Variants in TG observed in about 807,000 individuals in gnomAD.
TG encodes the protein thyroid hormones.
In TG, 270 loss-of-function variants were observed where a neutral mutation model predicts 324.7. That is an observed-to-expected ratio of 0.83 (90% CI 0.75 to 0.92). The LOEUF (loss-of-function observed/expected upper bound fraction) is 0.92. Ranked by LOEUF, TG falls within the 40% of genes least tolerant of loss-of-function variation. The pLI is 0.00. For missense variants in TG, 3,591 were observed against 3,456.4 expected (o/e 1.04, Z -0.98); for synonymous variants, 1,401 against 1,327.0 (o/e 1.06, Z -1.21).
At chr8:132,979,101 C>G (rs568772803) in intron 34 of TG, among the ~76,000 whole-genome samples, 79 of 152,232 alleles carry the variant, frequency 5.2e-4, no homozygotes, top group South Asian at 2.1e-3. Context: ...AGGAACTGTT[C>G]TAAGCCTCCA....
chr8:132,999,868 C>T (rs1045564041), intron 35 of TG, among the ~76,000 whole-genome samples: 1 of 152,136 alleles, frequency 6.6e-6, no homozygotes, highest in African/African-American at 2.4e-5. Context: ...TTCTGTATCC[C>T]TCAATCCTTT....
At position 132,919,798 on chromosome 8, in the gene TG, A is replaced by C. The variant is rs182187367; in HGVS notation, c.4528+273A>C. Among the ~76,000 whole-genome samples the C allele has an allele frequency of 5.6e-4, 85 of 152,276 alleles. 1 individual carries two copies. Among genetic ancestry groups the C allele is most frequent in the African/African-American group, 1.9e-3 (79 of 41,538 alleles). On this transcript the variant is annotated intron_variant, in intron 21 of 47. Coordinates refer to ENST00000220616, the MANE Select transcript of TG (RefSeq NM_003235.5). ...AGAGCAAAATTGCCTACCTGTGAGAACTATTGGGTACACAACATAATAATC... is the reference window on the plus strand; with the variant it reads ...AGAGCAAAATTGCCTACCTGTGAGACCTATTGGGTACACAACATAATAATC...
chr8:132,888,542 G>C lies in TG; in HGVS notation c.2735G>C (p.Arg912Pro), dbSNP rs771756292. 1.2e-5 allele frequency: 20 copies of C among 1,611,618 alleles called. No homozygotes were observed. Among genetic ancestry groups the C allele is most frequent in the Non-Finnish European group, 1.6e-5 (19 of 1,179,432 alleles). ...DEAGQELEGMRSEPSKLPTCP... is the reference protein window; with the variant it reads ...DEAGQELEGMPSEPSKLPTCP... ...GCTGGCCAAGAACTGGAAGGAATGCGGTCTGAGCCAAGCAAGCTCCCAACA... is the reference window on the plus strand; with the variant it reads ...GCTGGCCAAGAACTGGAAGGAATGCCGTCTGAGCCAAGCAAGCTCCCAACA... Residue 912 changes from arginine (R) to proline (P), a missense_variant, in exon 10 of 48, where the codon CGG becomes CCG. Coordinates refer to ENST00000220616, the MANE Select transcript of TG (RefSeq NM_003235.5).
intron 34 of TG, among the ~76,000 whole-genome samples, chr8:132,980,014 A>G (rs1830628274): frequency 6.6e-6 from 1 of 152,054 alleles, no homozygotes; most frequent in Non-Finnish European, 1.5e-5. Flanking sequence ...AACACTTACT[A>G]ATTAAGTTTT....
At chr8:132,980,196 G>A (rs542718744) in intron 34 of TG, among the ~76,000 whole-genome samples, 171 of 152,204 alleles carry the variant, frequency 1.1e-3, no homozygotes, top group African/African-American at 3.9e-3. Flanking sequence ...CCCCTAGACA[G>A]GTTAAGAAGG....
At chr8:133,040,583 A>G (rs1375045475) in intron 41 of TG, among the ~76,000 whole-genome samples, 1 of 152,178 alleles carries the variant, frequency 6.6e-6, no homozygotes, top group Non-Finnish European at 1.5e-5. Flanking sequence ...GGCTGCATAC[A>G]GCGCTGATCC....
intron 22 of TG, among the ~76,000 whole-genome samples, chr8:132,928,771 G>T (rs767169249): frequency 1.3e-4 from 20 of 152,238 alleles, no homozygotes; most frequent in Non-Finnish European, 2.5e-4. Flanking sequence ...TAGGGACAGA[G>T]AAATATAAGT....
At chr8:132,992,715 A>G (rs1028249772) in intron 35 of TG, among the ~76,000 whole-genome samples, 2 of 152,134 alleles carry the variant, frequency 1.3e-5, no homozygotes, top group African/African-American at 4.8e-5. Context: ...CTGTTCTGGG[A>G]AAAGACCACA....
At chr8:133,058,360 C>T (rs1444503071) in intron 41 of TG, among the ~76,000 whole-genome samples, 1 of 152,200 alleles carries the variant, frequency 6.6e-6, no homozygotes, top group Non-Finnish European at 1.5e-5. Context: ...AGACCCCTCT[C>T]TCTATGTCTG....
rs555727868 is a variant in TG, at chr8:133,044,922, AC to A, written c.7239+14900del. ...CTCTGCATTCCAGACGGATGGCGCC[AC>A]AGAGCAATTAGCTAAGAGGGGTCCC... On this transcript the variant is annotated intron_variant, in intron 41 of 47. Coordinates refer to ENST00000220616, the MANE Select transcript of TG (RefSeq NM_003235.5). The A allele has an allele frequency of 4.2e-4, 652 of 1,565,866 alleles. 6 individuals carry two copies. In the African/African-American group the frequency reaches 8.2e-3, roughly 20 times the overall value.
rs1380267638 is a variant in TG at position 132,900,218 on chromosome 8, GACCCC to G, written c.3331-18_3331-14del. The stretch of plus-strand genomic sequence containing the variant: ...GCATCTTGCCCACAGTGACTGACAT[GACCCC>G]GGCTTTGTCTCAGACAGGAGAGTAT... On this transcript the variant is annotated splice_polypyrimidine_tract_variant and intron_variant, in intron 14 of 47. Transcript: ENST00000220616. The G allele has an allele frequency of 6.2e-7, 1 of 1,611,242 alleles. No homozygotes were observed. The highest frequency in any genetic ancestry group is 1.3e-5 in the African/African-American group (1 of 74,916).
intron 20 of TG, among the ~76,000 whole-genome samples, chr8:132,915,310 G>C (rs1056922784): frequency 2.6e-5 from 4 of 152,194 alleles, no homozygotes; most frequent in African/African-American, 9.7e-5. Context: ...TATCTCCTCT[G>C]ACTGTCTTCC....
chr8:132,896,544 G>A (rs1817128130), intron 11 of TG, among the ~76,000 whole-genome samples: 2 of 152,188 alleles, frequency 1.3e-5, no homozygotes. Context: ...TGCCCCAAGT[G>A]CCAGCAGGAG....
intron 44 of TG, 170 bp downstream of exon 44, chr8:133,113,773 C>T: frequency 3.9e-6 from 3 of 775,196 alleles, no homozygotes; most frequent in Non-Finnish European, 6.1e-6. Context: ...TGAGGGGAAG[C>T]CCTGGAGGAC....
At chr8:133,123,633 C>T (rs1408275554) in intron 45 of TG, among the ~76,000 whole-genome samples, 1 of 152,196 alleles carries the variant, frequency 6.6e-6, no homozygotes, top group African/African-American at 2.4e-5. Flanking sequence ...TTTAAAGGTC[C>T]AGGTATCATT....
rs901793224 is a variant in TG at position 132,935,804 on chromosome 8, C to T, written c.4981C>T (p.Arg1661Cys). The T allele has an allele frequency of 3.9e-5, 63 of 1,612,814 alleles. No individual in the cohort carries two copies. The Middle Eastern group carries it at 5.9e-4, about 15-fold the overall frequency. The change falls in exon 25 of 48, where the codon CGC (arginine) becomes TGC (cysteine). Residue 1661 changes from arginine to cysteine, a missense_variant. Arg to Cys is a radical substitution (Grantham distance 180). Transcript: ENST00000220616. ...NSKATSFGSL[R>C]CQVKVRSHGQ... is the part of the protein sequence containing the mutation. ...AAAGGCCACCAGCTTTGGAAGTCTT[C>T]GCTGCCAGGTGAAAGTGAGGAGCCA...
intron 38 of TG, among the ~76,000 whole-genome samples, chr8:133,018,209 T>C (rs1418083229): frequency 6.6e-6 from 1 of 151,524 alleles, no homozygotes; most frequent in Non-Finnish European, 1.5e-5. Flanking sequence ...GTAAAGCCCA[T>C]CAGGTGATGG....
At chr8:132,966,332 C>T (rs1828551560) in intron 29 of TG, among the ~76,000 whole-genome samples, 1 of 152,126 alleles carries the variant, frequency 6.6e-6, no homozygotes, top group South Asian at 2.1e-4. Context: ...ATTTTTAGGA[C>T]TTCCTGGGGC....
At chr8:133,092,875 ATACTT>A (rs1362456104) in intron 41 of TG, among the ~76,000 whole-genome samples, 4 of 152,260 alleles carry the variant, frequency 2.6e-5, no homozygotes, top group Non-Finnish European at 5.9e-5. Flanking sequence ...TTTAAACAAA[ATACTT>A]TAAGAGAAAG....
Sources: allele counts gnomAD v4.1 joint callset (sites outside exome capture counted in the v4.1 genomes callset), GRCh38; gene constraint gnomAD v4.1.1; transcripts MANE v1.5; gene names NCBI Gene and HGNC (gene_info 2026-07-23, HGNC 2026-07-21).